The following PTPRT variants were observed in gnomAD, a reference collection of about 807,000 sequenced individuals.
The protein encoded by PTPRT is protein tyrosine phosphatase receptor type T.
PTPRT carries 56 observed loss-of-function variants against 176.8 expected under a neutral mutation model. The observed-to-expected ratio is 0.32, with a 90% CI of 0.26 to 0.40. The LOEUF is 0.40. PTPRT is among the 10% of genes least tolerant of loss of function. The pLI, the probability that PTPRT is intolerant of heterozygous loss-of-function variation, is 1.00. For synonymous variants in PTPRT, 783 were observed against 739.0 expected, an observed-to-expected ratio of 1.06 and a Z score of -0.96; for missense variants, 1,540 against 1,908.2, an observed-to-expected ratio of 0.81 and a Z score of 3.60.
At chr20:42,237,262 G>T (rs747234072) in intron 14 of PTPRT, among the ~76,000 whole-genome samples, 26 of 152,208 alleles carry the variant, frequency 1.7e-4, no homozygotes, top group Non-Finnish European at 3.7e-4. Context: ...TTGTTACATG[G>T]CAGTAGATGA....
intron 7 of PTPRT, among the ~76,000 whole-genome samples, chr20:42,589,868 A>C (rs190760708): frequency 1.5e-4 from 23 of 152,242 alleles, no homozygotes; most frequent in African/African-American, 5.5e-4. Context: ...ACTGTGGCAG[A>C]TTATATTTTC....
At chr20:42,210,686 G>A (rs2055601008) in intron 15 of PTPRT, among the ~76,000 whole-genome samples, 2 of 151,414 alleles carry the variant, frequency 1.3e-5, no homozygotes, top group African/African-American at 2.4e-5. Flanking sequence ...CTCATGGGTA[G>A]GAAGAATCAA....
chr20:42,343,494 T>A (rs2058142392), intron 11 of PTPRT, among the ~76,000 whole-genome samples: 1 of 152,202 alleles, frequency 6.6e-6, no homozygotes, highest in South Asian at 2.1e-4. Context: ...CACCTTCATT[T>A]CTTATCTGAA....
intron 19 of PTPRT, among the ~76,000 whole-genome samples, chr20:42,121,149 A>G (rs1398509626): frequency 6.6e-6 from 1 of 152,212 alleles, no homozygotes; most frequent in Non-Finnish European, 1.5e-5. Context: ...TCTGATACAA[A>G]GACAAGTTTC....
Position 43,145,307 on chromosome 20 carries a change from A to G in PTPRT, c.88+44339T>C, listed in dbSNP as rs929568963. 2.0e-5 allele frequency among the ~76,000 whole-genome samples: 3 copies of G among 152,178 alleles called. No individual in the cohort carries two copies. The East Asian group carries it at 5.8e-4, about 29-fold the overall frequency. ...TAAAGTAGATTATTGAAGGTTTCCT[A>G]TATGTGTAATCCTTTCATCTACTCC... On this transcript the variant is annotated intron_variant, in intron 1 of 30. Transcript: ENST00000373187.
At chr20:42,505,028 A>C (rs994750514) in intron 7 of PTPRT, among the ~76,000 whole-genome samples, 1 of 152,050 alleles carries the variant, frequency 6.6e-6, no homozygotes, top group Non-Finnish European at 1.5e-5. Flanking sequence ...ATTTCATGGA[A>C]TTCAAATCCC....
chr20:42,567,297 G>A (rs900973287), intron 7 of PTPRT, among the ~76,000 whole-genome samples: 1 of 150,248 alleles, frequency 6.7e-6, no homozygotes, highest in African/African-American at 2.5e-5. Context: ...ATAAAAGAGA[G>A]AGAGAGAGAG....
intron 7 of PTPRT, among the ~76,000 whole-genome samples, chr20:42,526,357 C>T (rs2072268215): frequency 6.6e-6 from 1 of 152,090 alleles, no homozygotes; most frequent in Non-Finnish European, 1.5e-5. Context: ...TCCTTTTCCT[C>T]ATTGTTGTTC....
intron 1 of PTPRT, among the ~76,000 whole-genome samples, chr20:42,962,065 A>C (rs539815786): frequency 1.7e-4 from 26 of 152,230 alleles, no homozygotes; most frequent in Non-Finnish European, 2.4e-4. Context: ...TGACCTCCAG[A>C]GCTGTAAGAG....
intron 5 of PTPRT, among the ~76,000 whole-genome samples, chr20:42,759,447 CG>C (rs1285138475): frequency 2.0e-5 from 3 of 152,110 alleles, no homozygotes; most frequent in African/African-American, 7.2e-5. Context: ...GGGCAGATCA[CG>C]AGGTCAGGAG....
chr20:42,056,636 G>C, the PTPRT span, among the ~76,000 whole-genome samples: 1 of 152,228 alleles, frequency 6.6e-6, no homozygotes, highest in Non-Finnish European at 1.5e-5. Flanking sequence ...ATGTGTGTGT[G>C]CCTGTGTGTA....
intron 9 of PTPRT, among the ~76,000 whole-genome samples, chr20:42,378,608 C>A (rs899511724): frequency 6.6e-6 from 1 of 152,088 alleles, no homozygotes; most frequent in African/African-American, 2.4e-5. Context: ...GAGTATCTGT[C>A]GAATGAACAA....
intron 1 of PTPRT, among the ~76,000 whole-genome samples, chr20:43,015,815 C>T (rs1449222758): frequency 1.3e-5 from 2 of 152,008 alleles, no homozygotes; most frequent in African/African-American, 2.4e-5. Context: ...CCTAGCTTTG[C>T]AATTCATATA....
chr20:42,341,495 T>A (rs988896656), intron 11 of PTPRT, among the ~76,000 whole-genome samples: 15 of 152,212 alleles, frequency 9.9e-5, no homozygotes, highest in Non-Finnish European at 1.9e-4. Flanking sequence ...AAATGAAATA[T>A]ACAGCCCTGG....
intron 15 of PTPRT, among the ~76,000 whole-genome samples, chr20:42,221,861 C>T (rs911942554): frequency 7.9e-5 from 12 of 152,132 alleles, no homozygotes; most frequent in African/African-American, 2.9e-4. Flanking sequence ...CAATAACTCC[C>T]TCACTATCAT....
intron 1 of PTPRT, among the ~76,000 whole-genome samples, chr20:43,175,642 G>A (rs1246958174): frequency 1.5e-5 from 2 of 135,268 alleles, no homozygotes; most frequent in Non-Finnish European, 3.2e-5. Context: ...GCGAGACTCC[G>A]GGCTCTGACT....
At chr20:42,652,723 T>A (rs145333281) in intron 7 of PTPRT, among the ~76,000 whole-genome samples, 4 of 152,290 alleles carry the variant, frequency 2.6e-5, no homozygotes, top group African/African-American at 9.6e-5. Context: ...GGTGAGTCCC[T>A]GCCTTTGTGT....
intron 7 of PTPRT, among the ~76,000 whole-genome samples, chr20:42,645,453 T>C (rs553615874): frequency 3.3e-5 from 5 of 152,166 alleles, no homozygotes; most frequent in Non-Finnish European, 7.4e-5. Context: ...TAACACACCC[T>C]TCATTGGTCT....
At position 42,358,950 on chromosome 20, in the gene PTPRT, T is replaced by C. The variant is rs563775752; in HGVS notation, c.1561-6665A>G. Among the ~76,000 whole-genome samples, 11 of 152,248 alleles carry C rather than the reference T, an allele frequency of 7.2e-5. No homozygotes were observed. The South Asian group carries it at 2.1e-3, about 29-fold the overall frequency. The stretch of plus-strand genomic sequence containing the variant: ...GAACTACTCAAGTGTATATATTTTA[T>C]TTCGAGGGTAATATAGAGCCATTAA... On this transcript the variant is annotated intron_variant, in intron 9 of 30. Transcript: ENST00000373187.
Sources: allele counts gnomAD v4.1 joint callset (sites outside exome capture counted in the v4.1 genomes callset), GRCh38; gene constraint gnomAD v4.1.1; transcripts MANE v1.5; gene names NCBI Gene and HGNC (gene_info 2026-07-23, HGNC 2026-07-21).